The following SCAP variants were observed in gnomAD, a reference collection of about 807,000 sequenced individuals.
SCAP encodes the protein sterol regulatory element-binding protein cleavage-activating protein.
A neutral mutation model predicts 123.6 loss-of-function variants in SCAP; 65 were observed. The ratio of observed to expected loss-of-function variants is 0.53; its 90% CI spans 0.43 to 0.65. The LOEUF is 0.65. Among genes scored for constraint, SCAP ranks in the 30% least tolerant of loss-of-function variants. The pLI, the probability that SCAP is intolerant of heterozygous loss-of-function variation, is 0.00. For missense variants in SCAP, 1,398 were observed against 1,712.5 expected (o/e 0.82, Z 3.24); for synonymous variants, 740 against 726.3 (o/e 1.02, Z -0.30).
intron 7 of SCAP, 82 bp downstream of exon 7, chr3:47,425,915 C>A: frequency 6.7e-7 from 1 of 1,500,436 alleles, no homozygotes; most frequent in Admixed American, 1.8e-5. Context: ...CCCCAAGCCA[C>A]CTCCAGAGCC....
intron 1 of SCAP, among the ~76,000 whole-genome samples, chr3:47,456,128 C>T (rs1707415906): frequency 6.6e-6 from 1 of 152,174 alleles, no homozygotes; most frequent in African/African-American, 2.4e-5. Flanking sequence ...TTCCAAAAAG[C>T]ACAGTGGCTC....
rs150899835 is a variant in SCAP at position 47,463,430 on chromosome 3, G to A, written c.-99+12369C>T. ...AAAACACTCCAGTGGGCCGGGGTGC[G>A]GTGGCTCGTGCCTGTAATCCCAGCA... On this transcript the variant is annotated intron_variant, in intron 1 of 22. Transcript: ENST00000265565. 2.3e-3 allele frequency among the ~76,000 whole-genome samples: 343 copies of A among 152,272 alleles called. 4 individuals are homozygous for A. The highest frequency in any genetic ancestry group is 7.6e-3 in the African/African-American group (315 of 41,564).
intron 3 of SCAP, 193 bp downstream of exon 3, chr3:47,434,815 C>A (rs1576278651): frequency 1.7e-6 from 1 of 589,760 alleles, no homozygotes; most frequent in South Asian, 2.2e-5. Context: ...CCAGCCTGGA[C>A]AACAGGAGCA....
In SCAP at chr3:47,421,178, A is replaced by G. The variant is rs1705882578; in HGVS notation, c.1246-149T>C. On this transcript the variant is annotated intron_variant, in intron 10 of 22. Transcript: ENST00000265565. ...AGATGAGAGATGCTGGTTGGTCCTC[A>G]GCTCACATACCAGCAGCAGCTCACC... 4.5e-6 allele frequency: 3 copies of G among 672,240 alleles called. No homozygotes were observed. The East Asian group carries it at 7.9e-5, about 18-fold the overall frequency. The allele number at this position is 672,240 out of a possible 1,614,324, so 41.6% of individuals were successfully genotyped here. A position where few individuals can be genotyped will look rare whatever the true frequency, so the allele number is the denominator to read the frequency against.
chr3:47,451,485 C>T (rs1707231241), intron 1 of SCAP, among the ~76,000 whole-genome samples: 1 of 115,524 alleles, frequency 8.7e-6, no homozygotes, highest in African/African-American at 3.0e-5. Flanking sequence ...GCAGCCTCCA[C>T]CTCCCAGGCT....
chr3:47,415,890 G>A (rs908650805), intron 18 of SCAP, among the ~76,000 whole-genome samples: 1 of 152,210 alleles, frequency 6.6e-6, no homozygotes, highest in Non-Finnish European at 1.5e-5. Context: ...ACAGTCACCA[G>A]GAACCCTGAT....
At chr3:47,455,334 C>A (rs1707379437) in intron 1 of SCAP, among the ~76,000 whole-genome samples, 1 of 151,484 alleles carries the variant, frequency 6.6e-6, no homozygotes, top group Non-Finnish European at 1.5e-5. Context: ...GTGGCTCACG[C>A]CTGTAATCTC....
chr3:47,426,552 C>T (rs983174168), intron 6 of SCAP, among the ~76,000 whole-genome samples: 9 of 152,230 alleles, frequency 5.9e-5, no homozygotes. Flanking sequence ...ATCCTCCTGC[C>T]TCAGCCTCCC....
In SCAP at chr3:47,419,482, C is replaced by T. The variant is rs777050970; in HGVS notation, c.1786G>A (p.Glu596Lys). Residue 596 changes from glutamate to lysine, a missense_variant, in exon 13 of 23, where the codon GAG becomes AAG. This residue lies in a region of SCAP where 828 missense variants were observed against 882.5 expected (regional missense o/e 0.94). Transcript: ENST00000265565. The surrounding 1 kb of genome is among the most constrained non-coding windows in gnomAD (Gnocchi z 5.0). The stretch of plus-strand genomic sequence containing the variant: ...GCTGGACCTCCACGCTCAGGTGACT[C>T]GCCTGGCGACGTCTGGTTCTCAGGT... ...KLPENQTSPG[E>K]SPERGGPAEV... 79 of 1,613,880 alleles carry T rather than the reference C, an allele frequency of 4.9e-5. No homozygotes were observed. The South Asian group carries it at 6.1e-4, about 13-fold the overall frequency.
In SCAP at chr3:47,414,037, C is replaced by T. The variant is rs1267152012; in HGVS notation, c.3657G>A (p.Gln1219=). 1.2e-6 allele frequency: 2 copies of T among 1,613,314 alleles called. No homozygotes were observed. Among genetic ancestry groups the T allele is most frequent in the Non-Finnish European group, 1.7e-6 (2 of 1,180,032 alleles). ...ISDNLLVTGG[Q]GCVSFWDLNY... is the part of the protein sequence containing the mutation. Reference sequence around the variant, plus strand: ...TTAGGTCCCAAAAGGAGACACAGCCCTGGCCGCCAGTCACCAGCAGGTTGT... The same window carrying T: ...TTAGGTCCCAAAAGGAGACACAGCCTTGGCCGCCAGTCACCAGCAGGTTGT... The change falls in exon 23 of 23, where the codon CAG becomes CAA. Residue 1219 remains glutamine (Q), a synonymous_variant. Coordinates refer to ENST00000265565, the MANE Select transcript of SCAP (RefSeq NM_012235.4).
intron 3 of SCAP, 161 bp downstream of exon 3, chr3:47,434,847 T>C (rs1009168143): frequency 1.1e-5 from 9 of 833,196 alleles, no homozygotes; most frequent in Non-Finnish European, 1.6e-5. Context: ...CAAAAAAAAA[T>C]GTATAAACTA....
intron 1 of SCAP, among the ~76,000 whole-genome samples, chr3:47,470,577 C>T (rs1256837477): frequency 1.3e-5 from 2 of 152,220 alleles, no homozygotes; most frequent in Non-Finnish European, 2.9e-5. Flanking sequence ...AAGAAAAGAA[C>T]CTTTGCGGGG....
Position 47,417,540 on chromosome 3 carries a change from A to C in SCAP, c.2734T>G (p.Phe912Val). The C allele has an allele frequency of 6.4e-7, 1 of 1,570,852 alleles. No individual in the cohort carries two copies. The highest frequency in any genetic ancestry group is 8.6e-7 in the Non-Finnish European group (1 of 1,158,674). The change falls in exon 17 of 23, where the codon TTC becomes GTC. Residue 912 changes from phenylalanine (F) to valine (V), a missense_variant. Transcript: ENST00000265565. ...TACACCCGCTGCACCAGGCAGCTGA[A>C]GTCATAGCCTGGGGAGTCCCGAGAG... ...GRSRDSPGYD[F>V]SCLVQRVYQE...
chr3:47,417,998 C>T (rs1158503340), intron 16 of SCAP, 136 bp downstream of exon 16: 17 of 426,156 alleles, frequency 4.0e-5, no homozygotes, highest in Admixed American at 5.8e-5. Context: ...GGAGGGGGTG[C>T]GGGGGTGGGG....
At chr3:47,436,403 C>T (rs1453236805) in intron 2 of SCAP, among the ~76,000 whole-genome samples, 1 of 152,064 alleles carries the variant, frequency 6.6e-6, no homozygotes, top group African/African-American at 2.4e-5. Context: ...AGAGGCCAAG[C>T]GGGCGGATCA....
At chr3:47,425,705 G>T in intron 7 of SCAP, 94 bp from the exon 8 acceptor site, 1 of 1,391,166 alleles carries the variant, frequency 7.2e-7, no homozygotes. Context: ...AGTCGAGGAA[G>T]GGAAAACTCC....
chr3:47,458,117 G>A (rs748571629), intron 1 of SCAP, among the ~76,000 whole-genome samples: 11 of 151,750 alleles, frequency 7.2e-5, no homozygotes, highest in South Asian at 4.2e-4. Flanking sequence ...GTGAAACCCC[G>A]TCTCTACTAA....
At chr3:47,430,852 A>C (rs1706329456) in intron 3 of SCAP, among the ~76,000 whole-genome samples, 1 of 152,188 alleles carries the variant, frequency 6.6e-6, no homozygotes, top group South Asian at 2.1e-4. Context: ...GGGAACTCCA[A>C]GGGGCATGCG....
intron 1 of SCAP, among the ~76,000 whole-genome samples, chr3:47,470,892 C>T (rs1708002683): frequency 6.6e-6 from 1 of 152,010 alleles, no homozygotes; most frequent in Non-Finnish European, 1.5e-5. Context: ...CTTACCAGTT[C>T]CCCAGCATAC....
Sources: allele counts gnomAD v4.1 joint callset (sites outside exome capture counted in the v4.1 genomes callset), GRCh38; gene constraint gnomAD v4.1.1; regional missense constraint gnomAD v4.1.1; non-coding constraint Gnocchi (gnomAD v3.1); transcripts MANE v1.5; gene names NCBI Gene and HGNC (gene_info 2026-07-23, HGNC 2026-07-21).